Variants in PSAP observed in about 807,000 individuals in gnomAD.
PSAP encodes prosaposin, also known as precursor of saposins.
In PSAP, 25 loss-of-function variants were observed where a neutral mutation model predicts 66.0. That is an observed-to-expected ratio of 0.38 (90% CI 0.28 to 0.53). The LOEUF (loss-of-function observed/expected upper bound fraction) is 0.53, where lower values mean the gene tolerates loss of function less well. Ranked by LOEUF, PSAP falls within the 20% of genes least tolerant of loss-of-function variation. The pLI, the probability that PSAP is intolerant of heterozygous loss-of-function variation, is 0.83. For missense variants in PSAP, 649 were observed against 668.8 expected (o/e 0.97, Z 0.33); for synonymous variants, 273 against 258.9 (o/e 1.05, Z -0.52).
chr10:71,817,974 C>G (rs992019675), intron 13 of PSAP, among the ~76,000 whole-genome samples: 2 of 152,222 alleles, frequency 1.3e-5, no homozygotes, highest in Non-Finnish European at 2.9e-5. Context: ...AGAATGGGGG[C>G]CCCCTGCCCC....
intron 1 of PSAP, among the ~76,000 whole-genome samples, chr10:71,835,535 G>T (rs939704648): frequency 6.6e-6 from 1 of 152,068 alleles, no homozygotes; most frequent in African/African-American, 2.4e-5. Context: ...TCTCACCACT[G>T]CACTCCAGCG....
chr10:71,839,518 G>C (rs990476455), intron 1 of PSAP, among the ~76,000 whole-genome samples: 11 of 152,114 alleles, frequency 7.2e-5, no homozygotes, highest in African/African-American at 2.7e-4. Flanking sequence ...GATTACAAGC[G>C]TGAGCCACCA....
chr10:71,820,385 C>T, intron 8 of PSAP, 50 bp from the exon 9 acceptor site: 1 of 1,491,604 alleles, frequency 6.7e-7, no homozygotes, highest in African/African-American at 1.4e-5. Flanking sequence ...ACTCACAGCC[C>T]TTGGTCTTGC....
intron 9 of PSAP, 144 bp from the exon 10 acceptor site, chr10:71,820,044 G>T: frequency 2.2e-6 from 2 of 928,554 alleles, no homozygotes; most frequent in South Asian, 1.4e-5. Context: ...TACAAAGCAG[G>T]GCAATGGTGT....
At chr10:71,847,132 C>T (rs1842838236) in intron 1 of PSAP, among the ~76,000 whole-genome samples, 1 of 152,106 alleles carries the variant, frequency 6.6e-6, no homozygotes, top group Non-Finnish European at 1.5e-5. Flanking sequence ...CAATCCAACA[C>T]ACTTCAACTC....
At chr10:71,825,993 G>T in intron 6 of PSAP, 100 bp from the exon 7 acceptor site, 4 of 987,796 alleles carry the variant, frequency 4.0e-6, no homozygotes, top group South Asian at 1.3e-5. Context: ...GTCAACTGGT[G>T]ACTATCAAGC....
intron 7 of PSAP, among the ~76,000 whole-genome samples, chr10:71,825,125 T>C: frequency 6.6e-6 from 1 of 152,168 alleles, no homozygotes; most frequent in African/African-American, 2.4e-5. Flanking sequence ...CAAAACATGA[T>C]GGGCCAGTTT....
rs1434833385 is a variant in PSAP at position 71,825,913 on chromosome 10, T to C, written c.721-20A>G. ...CTTGCACTGAGGAGAGAGAAACAGA[T>C]TGCTAAACAAATCACTGCAACAATG... On this transcript the variant is annotated intron_variant, in intron 6 of 13. Coordinates refer to ENST00000394936, the MANE Select transcript of PSAP (RefSeq NM_002778.4). 4 of 1,607,772 alleles carry C rather than the reference T, an allele frequency of 2.5e-6. No homozygotes were observed. Among genetic ancestry groups the C allele is most frequent in the East Asian group, 2.2e-5 (1 of 44,868 alleles).
rs774663731 is a variant in PSAP at position 71,831,840 on chromosome 10, G to A, written c.249+6C>T. The A allele has an allele frequency of 2.5e-5, 41 of 1,613,520 alleles. No homozygotes were observed. The East Asian group carries it at 5.3e-4, about 21-fold the overall frequency. ...TCAAGCACCATCCCCACTCACCGCCGCTCACCTCAGTGGCATTGTCCTTCA... is the reference window on the plus strand; with the variant it reads ...TCAAGCACCATCCCCACTCACCGCCACTCACCTCAGTGGCATTGTCCTTCA... On this transcript the variant is annotated splice_donor_region_variant and intron_variant, in intron 3 of 13. Transcript: ENST00000394936.
In PSAP at chr10:71,819,603, C is replaced by T; in HGVS notation, c.1212G>A (p.Lys404=). 1 of 1,614,210 alleles carries T rather than the reference C, an allele frequency of 6.2e-7. No individual in the cohort carries two copies. The highest frequency in any genetic ancestry group is 8.5e-7 in the Non-Finnish European group (1 of 1,180,038). Residue 404 remains lysine, a synonymous_variant, in exon 11 of 14, where the codon AAG becomes AAA. Transcript: ENST00000394936. Reference sequence around the variant, plus strand: ...TGCACACTTCGCAGAAGCCACCGTCCTTTGGCTGAGTCACGTGAACTACAT... The same window carrying T: ...TGCACACTTCGCAGAAGCCACCGTCTTTTGGCTGAGTCACGTGAACTACAT... The part of the protein sequence containing the change: ...PALTVHVTQP[K]DGGFCEVCKK...
intron 7 of PSAP, chr10:71,822,272 A>G: frequency 5.8e-6 from 3 of 517,406 alleles, no homozygotes; most frequent in South Asian, 2.0e-5. Flanking sequence ...ATCCAGGGCC[A>G]CCACGAGGGA....
chr10:71,828,868 T>C lies in PSAP; in HGVS notation c.576+9A>G, dbSNP rs1842451379. ...AAATGGGTCCTCAGTGGCCAGCCCG[T>C]TGTCTTACCTTTGGCTGGGGCTTGC... On this transcript the variant is annotated intron_variant, in intron 5 of 13. Transcript: ENST00000394936. The C allele has an allele frequency of 6.2e-7, 1 of 1,613,694 alleles. No homozygotes were observed. Among genetic ancestry groups the C allele is most frequent in the African/African-American group, 1.3e-5 (1 of 74,874 alleles).
At chr10:71,836,837 T>C (rs888277877) in intron 1 of PSAP, among the ~76,000 whole-genome samples, 2 of 152,230 alleles carry the variant, frequency 1.3e-5, no homozygotes, top group Non-Finnish European at 2.9e-5. Context: ...GTGAGAATAC[T>C]TTGTAGGCTG....
intron 2 of PSAP, among the ~76,000 whole-genome samples, chr10:71,833,017 A>AAAAAAT (rs1842549612): frequency 1.1e-5 from 1 of 94,444 alleles, no homozygotes; most frequent in Admixed American, 1.0e-4. Context: ...AGTCCATCTC[A>AAAAAAT]AAAAAAAAAA....
intron 4 of PSAP, among the ~76,000 whole-genome samples, chr10:71,829,368 G>A (rs114084072): frequency 1.4e-3 from 206 of 152,228 alleles, no homozygotes; most frequent in African/African-American, 4.6e-3. Flanking sequence ...TAGTCCCCAC[G>A]TGTCATGTGA....
Position 71,817,167 on chromosome 10 carries a change from C to G in PSAP, c.*274G>C, listed in dbSNP as rs1842183504. The G allele has an allele frequency of 3.7e-6, 2 of 540,072 alleles. No homozygotes were observed. The highest frequency in any genetic ancestry group is 6.6e-5 in the East Asian group (2 of 30,488). The allele number at this position is 540,072 out of a possible 1,614,324, so 33.5% of individuals were successfully genotyped here. A position where few individuals can be genotyped will look rare whatever the true frequency, so the allele number is the denominator to read the frequency against. ...CATGCCAGCAGAGCTCTCTCCTCCT[C>G]CAGCAGGCGCCATGCAAGGGCAGGC... On this transcript the variant is annotated 3_prime_UTR_variant, in exon 14 of 14. Coordinates refer to ENST00000394936, the MANE Select transcript of PSAP (RefSeq NM_002778.4).
At chr10:71,826,771 TCTC>T (rs1352887801) in intron 6 of PSAP, among the ~76,000 whole-genome samples, 3 of 150,244 alleles carry the variant, frequency 2.0e-5, no homozygotes, top group African/African-American at 7.3e-5. Flanking sequence ...GAAGGCCTCA[TCTC>T]CTAGAGCCGG....
chr10:71,841,982 G>C (rs1251891438), intron 1 of PSAP, among the ~76,000 whole-genome samples: 1 of 151,644 alleles, frequency 6.6e-6, no homozygotes, highest in African/African-American at 2.4e-5. Flanking sequence ...CTCCAACCTG[G>C]GTGACAGAGT....
intron 1 of PSAP, among the ~76,000 whole-genome samples, chr10:71,841,903 G>C (rs1025430999): frequency 4.6e-5 from 7 of 152,164 alleles, no homozygotes; most frequent in Admixed American, 4.6e-4. Context: ...CTACTCAAGA[G>C]GCTGAGGCAG....
Sources: allele counts gnomAD v4.1 joint callset (sites outside exome capture counted in the v4.1 genomes callset), GRCh38; gene constraint gnomAD v4.1.1; transcripts MANE v1.5; gene names NCBI Gene and HGNC (gene_info 2026-07-23, HGNC 2026-07-21).